The following FAM178B variants were observed in gnomAD, a reference collection of about 807,000 sequenced individuals.
FAM178B encodes protein FAM178B.
Under a neutral mutation model 91.7 loss-of-function variants are expected in FAM178B, and 82 were observed. The observed-to-expected ratio is 0.89, with a 90% confidence interval of 0.75 to 1.07. The LOEUF (loss-of-function observed/expected upper bound fraction) is 1.07, where lower values mean the gene tolerates loss of function less well. Ranked by LOEUF, FAM178B falls within the 50% of genes least tolerant of loss-of-function variation. The pLI, the probability that FAM178B is intolerant of heterozygous loss-of-function variation, is 0.00. For missense variants in FAM178B, 769 were observed against 846.7 expected (o/e 0.91, Z 1.14); for synonymous variants, 368 against 359.4 (o/e 1.02, Z -0.27).
chr2:96,902,541 G>T, intron 13 of FAM178B, 79 bp downstream of exon 13: 1 of 968,120 alleles, frequency 1.0e-6, no homozygotes. Flanking sequence ...TCTGGGGCCT[G>T]ATGTTCCTGG....
intron 13 of FAM178B, among the ~76,000 whole-genome samples, chr2:96,899,425 T>C (rs891251939): frequency 4.6e-5 from 7 of 152,154 alleles, no homozygotes; most frequent in Admixed American, 6.5e-5. Context: ...AATAAACACA[T>C]GGGTGCATGG....
At chr2:96,878,615 T>C (rs1574171207) in intron 14 of FAM178B, 122 bp from the exon 15 acceptor site, 1 of 844,488 alleles carries the variant, frequency 1.2e-6, no homozygotes, top group South Asian at 1.5e-5. Flanking sequence ...CAGTCACCCC[T>C]AGGCTTTCAG....
Position 96,951,654 on chromosome 2 carries a change from A to G in FAM178B, c.888-170T>C, listed in dbSNP as rs1055796864. 5 of 596,448 alleles carry G rather than the reference A, an allele frequency of 8.4e-6. No individual in the cohort carries two copies. In the African/African-American group the frequency reaches 9.3e-5, roughly 11 times the overall value. The allele number at this position is 596,448 out of a possible 1,614,324, so 36.9% of individuals were successfully genotyped here. A position where few individuals can be genotyped will look rare whatever the true frequency, so the allele number is the denominator to read the frequency against. Reference sequence around the variant, plus strand: ...CCTCAGTGCATGATCTGTCAGAAGGAAAAGAACCCAGGCTAGCATCAGAAT... The same window carrying G: ...CCTCAGTGCATGATCTGTCAGAAGGGAAAGAACCCAGGCTAGCATCAGAAT... On this transcript the variant is annotated intron_variant, in intron 6 of 16. Transcript: ENST00000490605.
chr2:96,974,224 T>C (rs1323199660), intron 1 of FAM178B, among the ~76,000 whole-genome samples: 1 of 147,168 alleles, frequency 6.8e-6, no homozygotes, highest in Non-Finnish European at 1.5e-5. Flanking sequence ...CCACTAAAAA[T>C]ACAAAAAATT....
At chr2:96,970,110 T>TG (rs1308205544) in intron 4 of FAM178B, among the ~76,000 whole-genome samples, 3 of 152,138 alleles carry the variant, frequency 2.0e-5, no homozygotes, top group Non-Finnish European at 4.4e-5. Flanking sequence ...AGACGACCCC[T>TG]GTCTGTCCCC....
At chr2:96,917,889 T>A (rs1218752777) in intron 12 of FAM178B, among the ~76,000 whole-genome samples, 1 of 152,124 alleles carries the variant, frequency 6.6e-6, no homozygotes, top group Non-Finnish European at 1.5e-5. Context: ...AAATTGACGT[T>A]GGGTCCCCAC....
chr2:96,953,304 C>T (rs1234376691), intron 6 of FAM178B, among the ~76,000 whole-genome samples: 1 of 152,188 alleles, frequency 6.6e-6, no homozygotes. Context: ...GCAGACAATA[C>T]CCATGTAAAC....
At chr2:96,898,197 G>A (rs2080859001) in intron 13 of FAM178B, 12 of 870,812 alleles carry the variant, frequency 1.4e-5, no homozygotes, top group South Asian at 5.3e-5. Flanking sequence ...TGAGGAAAGG[G>A]AGGGACGGCC....
At chr2:96,962,632 T>C (rs1053778119) in intron 5 of FAM178B, among the ~76,000 whole-genome samples, 5 of 152,122 alleles carry the variant, frequency 3.3e-5, no homozygotes, top group Non-Finnish European at 5.9e-5. Context: ...AGCCTAGAGC[T>C]GAGAATAAAG....
At chr2:96,970,547 A>C (rs2082203540) in intron 4 of FAM178B, among the ~76,000 whole-genome samples, 169 bp downstream of exon 4, 1 of 151,998 alleles carries the variant, frequency 6.6e-6, no homozygotes, top group Non-Finnish European at 1.5e-5. Context: ...TGCCTTGGTG[A>C]TGCCACCCCC....
Position 96,893,938 on chromosome 2 carries a change from C to T in FAM178B, c.1764G>A (p.Glu588=). The change falls in exon 14 of 17, where the codon GAG becomes GAA. Residue 588 remains glutamate, a synonymous_variant. Coordinates refer to ENST00000490605, the MANE Select transcript of FAM178B (RefSeq NM_001122646.3). ...GGTGCTCACTCACCTTGTGGTCTAG[C>T]TCGGCACTAGCCTTTGGCTGTTGCT... ...CQEQQPKASA[E]LDHKACYLCH... 6.2e-7 allele frequency: 1 copy of T among 1,612,508 alleles called. No individual in the cohort carries two copies. Among genetic ancestry groups the T allele is most frequent in the Admixed American group, 1.7e-5 (1 of 59,960 alleles).
In FAM178B at chr2:96,921,170, C is replaced by T. The variant is rs1241774381; in HGVS notation, c.1557G>A (p.Arg519=). 4 of 1,551,364 alleles carry T rather than the reference C, an allele frequency of 2.6e-6. No homozygotes were observed. Among genetic ancestry groups the T allele is most frequent in the East Asian group, 2.4e-5 (1 of 40,896 alleles). ...LVQFFPDMTS[R]SRRLRSQLSL... ...AGCGGGGGAGCAGCACGCACCTGCT[C>T]CGGGAGGTCATGTCTGGGAAGAACT... Residue 519 remains arginine, a synonymous_variant, in exon 12 of 17, where the codon CGG becomes CGA. Transcript: ENST00000490605.
At chr2:96,976,111 T>TG (rs1559107359) in intron 1 of FAM178B, among the ~76,000 whole-genome samples, 2 of 151,914 alleles carry the variant, frequency 1.3e-5, no homozygotes, top group East Asian at 1.9e-4. Flanking sequence ...TTTTTTTTTT[T>TG]TGAGAGAGAG....
chr2:96,977,730 T>G, intron 1 of FAM178B: 1 of 425,594 alleles, frequency 2.3e-6, no homozygotes, highest in Non-Finnish European at 4.8e-6. Context: ...ATTTCCTCCT[T>G]TTTAGATCAG....
chr2:96,943,505 G>A (rs111536308), intron 8 of FAM178B, among the ~76,000 whole-genome samples: 20 of 152,252 alleles, frequency 1.3e-4, no homozygotes, highest in African/African-American at 4.3e-4. Context: ...TCTTTTTGGG[G>A]AGATGAAAAT....
intron 12 of FAM178B, 45 bp downstream of exon 12, chr2:96,921,120 G>A (rs2081330797): frequency 1.3e-6 from 2 of 1,485,310 alleles, no homozygotes; most frequent in Non-Finnish European, 9.2e-7. Flanking sequence ...AGACCCCGAA[G>A]AGATGCGTGT....
intron 1 of FAM178B, among the ~76,000 whole-genome samples, chr2:96,973,341 G>C: frequency 6.6e-6 from 1 of 152,150 alleles, no homozygotes; most frequent in Non-Finnish European, 1.5e-5. Context: ...GTATGGAACA[G>C]GGATGTCTGG....
chr2:96,914,340 C>T (rs1022154745), intron 12 of FAM178B, among the ~76,000 whole-genome samples: 5 of 152,156 alleles, frequency 3.3e-5, no homozygotes, highest in African/African-American at 9.7e-5. Context: ...CTCCTACCAA[C>T]GTGCGGGCAT....
intron 3 of FAM178B, 135 bp from the exon 4 acceptor site, chr2:96,970,912 A>G: frequency 2.8e-6 from 2 of 722,382 alleles, no homozygotes; most frequent in Non-Finnish European, 4.6e-6. Context: ...ACAGGATTAA[A>G]AAATCAAAAA....
Sources: allele counts gnomAD v4.1 joint callset (sites outside exome capture counted in the v4.1 genomes callset), GRCh38; gene constraint gnomAD v4.1.1; transcripts MANE v1.5; gene names NCBI Gene and HGNC (gene_info 2026-07-23, HGNC 2026-07-21).